Variants in LRP11 observed in about 807,000 individuals in gnomAD.
LRP11 encodes the protein LDL receptor related protein 11, also known as low-density lipoprotein receptor-related protein 11.
LRP11 carries 25 observed loss-of-function variants against 43.1 expected under a neutral mutation model. The observed-to-expected ratio is 0.58, with a 90% CI of 0.42 to 0.81. LRP11 has a LOEUF of 0.81. Among genes scored for constraint, LRP11 ranks in the 30% least tolerant of loss-of-function variants. The pLI is 0.00. For synonymous variants in LRP11, 316 were observed against 299.4 expected (o/e 1.06, Z -0.57); for missense variants, 623 against 665.1 (o/e 0.94, Z 0.70).
At chr6:149,828,191 G>GA (rs113200717) in intron 5 of LRP11, among the ~76,000 whole-genome samples, 3,738 of 130,466 alleles carry the variant, frequency 0.029, 150 homozygotes, top group African/African-American at 0.095. Context: ...CTTTTCAAAA[G>GA]AAAAAAAAAA....
At position 149,820,313 on chromosome 6, in the gene LRP11, C is replaced by T. The variant is rs2115367084; in HGVS notation, c.*236G>A. On this transcript the variant is annotated 3_prime_UTR_variant, in exon 7 of 7. Transcript: ENST00000239367. ...CATTTCTATTTTCAGGGACAGCTTACATAAATCAGAATTATATTTTTAGGA... is the reference window on the plus strand; with the variant it reads ...CATTTCTATTTTCAGGGACAGCTTATATAAATCAGAATTATATTTTTAGGA... 2.8e-6 allele frequency: 1 copy of T among 361,730 alleles called. No individual in the cohort carries two copies. The highest frequency in any genetic ancestry group is 4.3e-5 in the Admixed American group (1 of 23,078). 22.4% of individuals were successfully genotyped at this position (361,730 alleles called of 1,614,324 possible).
chr6:149,836,110 C>T lies in LRP11; in HGVS notation c.1227G>A (p.Glu409=). Residue 409 remains glutamate (E), a synonymous_variant, in exon 5 of 7, where the codon GAG becomes GAA. Coordinates refer to ENST00000239367, the MANE Select transcript of LRP11 (RefSeq NM_032832.6). ...CTGGCATCACAGGAATGATTTGACTCTCTGGTCCCCAAAAGGCGGAATGAT... is the reference window on the plus strand; with the variant it reads ...CTGGCATCACAGGAATGATTTGACTTTCTGGTCCCCAAAAGGCGGAATGAT... ...KRNHSAFWGP[E]SQIIPVMPDS... is the part of the protein sequence containing the mutation. 2 of 1,614,166 alleles carry T rather than the reference C, an allele frequency of 1.2e-6. No individual in the cohort carries two copies. Among genetic ancestry groups the T allele is most frequent in the Middle Eastern group, 1.6e-4 (1 of 6,062 alleles).
intron 6 of LRP11, among the ~76,000 whole-genome samples, chr6:149,822,617 T>A (rs1776290664): frequency 6.6e-6 from 1 of 152,160 alleles, no homozygotes; most frequent in Non-Finnish European, 1.5e-5. Context: ...ACTATGGTAC[T>A]CTACTTCTAC....
chr6:149,855,783 C>T lies in LRP11; in HGVS notation c.614-2623G>A, dbSNP rs145852562. On this transcript the variant is annotated intron_variant, in intron 1 of 6. Coordinates refer to ENST00000239367, the MANE Select transcript of LRP11 (RefSeq NM_032832.6). ...ATGCTATTGCTAACTATGGAGAAGA[C>T]GTGTCCCATTTTTCCAGTCACTTAA... is the stretch of plus-strand genomic sequence containing the variant. Among the ~76,000 whole-genome samples the T allele has an allele frequency of 9.3e-5, 14 of 150,974 alleles. No individual in the cohort carries two copies. The East Asian group carries it at 1.6e-3, about 17-fold the overall frequency.
At chr6:149,842,275 G>A (rs1175362216) in intron 3 of LRP11, among the ~76,000 whole-genome samples, 1 of 151,804 alleles carries the variant, frequency 6.6e-6, no homozygotes, top group African/African-American at 2.4e-5. Flanking sequence ...ATTTTTAATT[G>A]ACAAAAGAGG....
intron 6 of LRP11, among the ~76,000 whole-genome samples, chr6:149,823,953 T>A (rs939323901): frequency 6.6e-6 from 1 of 152,152 alleles, no homozygotes; most frequent in African/African-American, 2.4e-5. Context: ...CTTCAGTAGC[T>A]ACTACTGCCT....
chr6:149,852,657 C>T (rs1164356467), intron 2 of LRP11: 6 of 178,082 alleles, frequency 3.4e-5, no homozygotes, highest in Non-Finnish European at 7.0e-5. Flanking sequence ...AATTTTCTAC[C>T]TGGATCTTGA....
At chr6:149,844,810 C>T (rs1776607774) in intron 2 of LRP11, among the ~76,000 whole-genome samples, 1 of 152,156 alleles carries the variant, frequency 6.6e-6, no homozygotes, top group African/African-American at 2.4e-5. Context: ...GAGGATTTGT[C>T]AACATTACAT....
chr6:149,863,416 G>A lies in LRP11; in HGVS notation c.605C>T (p.Pro202Leu). 1 of 1,328,338 alleles carries A rather than the reference G, an allele frequency of 7.5e-7. No individual in the cohort carries two copies. The highest frequency in any genetic ancestry group is 9.5e-7 in the Non-Finnish European group (1 of 1,047,438). The allele number at this position is 1,328,338 out of a possible 1,614,324, so 82.3% of individuals were successfully genotyped here. ...CTCAGTCGCGCGCTTACCCTGCCGG[G>A]GCGAGGCGCGCGCGGTGGCCAGGGC... ...GAALATARAS[P>L]RQEKDAPPLS... The change falls in exon 1 of 7, where the codon CCC becomes CTC. Residue 202 changes from proline to leucine, a missense_variant. Physicochemically the swap from Pro to Leu is moderately conservative, Grantham distance 98. Coordinates refer to ENST00000239367, the MANE Select transcript of LRP11 (RefSeq NM_032832.6).
chr6:149,863,396 T>C lies in LRP11; in HGVS notation c.613+12A>G. ...GCTCTGGCCAAGGCCGGCCCCTCAG[T>C]CGCGCGCTTACCCTGCCGGGGCGAG... On this transcript the variant is annotated intron_variant, in intron 1 of 6. Coordinates refer to ENST00000239367, the MANE Select transcript of LRP11 (RefSeq NM_032832.6). The C allele has an allele frequency of 7.5e-7, 1 of 1,341,124 alleles. No individual in the cohort carries two copies. The highest frequency in any genetic ancestry group is 2.3e-5 in the South Asian group (1 of 42,828). The allele number at this position is 1,341,124 out of a possible 1,614,324, so 83.1% of individuals were successfully genotyped here.
At chr6:149,837,596 C>G in intron 3 of LRP11, 133 bp from the exon 4 acceptor site, 1 of 874,426 alleles carries the variant, frequency 1.1e-6, no homozygotes, top group South Asian at 1.7e-5. Flanking sequence ...GCAAACCTAA[C>G]AATTCCAGCA....
chr6:149,828,163 C>T (rs1043120306), intron 5 of LRP11, among the ~76,000 whole-genome samples: 1 of 151,798 alleles, frequency 6.6e-6, no homozygotes, highest in South Asian at 2.1e-4. Flanking sequence ...CGCACTCCAA[C>T]CTGGGCAACA....
intron 6 of LRP11, among the ~76,000 whole-genome samples, chr6:149,825,544 G>A (rs528036782): frequency 6.6e-6 from 1 of 152,246 alleles, no homozygotes; most frequent in East Asian, 1.9e-4. Flanking sequence ...ATTCTTCTCA[G>A]CAACCCTATG....
intron 5 of LRP11, among the ~76,000 whole-genome samples, chr6:149,834,679 G>T (rs989581647): frequency 6.6e-6 from 1 of 152,130 alleles, no homozygotes; most frequent in Non-Finnish European, 1.5e-5. Context: ...ACATCCAAAG[G>T]CTTGCATGTA....
At chr6:149,843,165 T>G in intron 2 of LRP11, 41 bp from the exon 3 acceptor site, 2 of 1,612,820 alleles carry the variant, frequency 1.2e-6, no homozygotes, top group African/African-American at 1.3e-5. Context: ...GCAGCAGACT[T>G]GAGCTCCGAG....
At chr6:149,847,979 G>C (rs968517625) in intron 2 of LRP11, among the ~76,000 whole-genome samples, 13 of 152,026 alleles carry the variant, frequency 8.6e-5, no homozygotes, top group African/African-American at 3.1e-4. Context: ...ATTTAATAAT[G>C]AAGTTGTTGG....
chr6:149,820,551 A>G lies in LRP11; in HGVS notation c.1501T>C (p.Ter501GlnextTer1), dbSNP rs1315782017. The G allele has an allele frequency of 1.0e-5, 8 of 780,676 alleles. No individual in the cohort carries two copies. The highest frequency in any genetic ancestry group is 2.4e-6 in the Non-Finnish European group (1 of 418,122). The allele number at this position is 780,676 out of a possible 1,614,324, so 48.4% of individuals were successfully genotyped here. A position where few individuals can be genotyped will look rare whatever the true frequency, so the allele number is the denominator to read the frequency against. ...SDYLINGMYL[*>Q] is the part of the protein sequence containing the mutation. ...CCCAAGGTATTGAAATTACATTACT[A>G]TAGATACATCCCATTTATGAGGTAG... The change falls in exon 7 of 7, where the codon TAG becomes CAG. Residue 501 changes from the stop codon to glutamine, a stop_lost. Coordinates refer to ENST00000239367, the MANE Select transcript of LRP11 (RefSeq NM_032832.6).
At chr6:149,853,183 C>A in intron 1 of LRP11, 23 bp from the exon 2 acceptor site, 4 of 1,527,420 alleles carry the variant, frequency 2.6e-6, no homozygotes, top group Non-Finnish European at 3.5e-6. Flanking sequence ...ATAAATAATT[C>A]ATAAAAGATG....
chr6:149,847,270 C>T (rs1776651157), intron 2 of LRP11, among the ~76,000 whole-genome samples: 1 of 152,190 alleles, frequency 6.6e-6, no homozygotes, highest in African/African-American at 2.4e-5. Context: ...GCATGCTTCC[C>T]CCCTGCCTGC....
Sources: gnomAD v4.1 joint callset for allele counts (sites outside exome capture counted in the v4.1 genomes callset) on GRCh38, gnomAD v4.1.1 for gene constraint, MANE v1.5 for transcripts, NCBI Gene and HGNC (gene_info 2026-07-23, HGNC 2026-07-21) for gene names.